Variants in CAPN14 observed in about 807,000 individuals in gnomAD.
The protein encoded by CAPN14 is calpain-14.
Under a neutral mutation model 101.3 loss-of-function variants are expected in CAPN14, and 94 were observed. That is an observed-to-expected ratio of 0.93 (90% CI 0.79 to 1.10). The LOEUF (loss-of-function observed/expected upper bound fraction) is 1.10. CAPN14 is among the 50% of genes least tolerant of loss of function. The probability of loss-of-function intolerance (pLI) is 0.00; values close to 1 mark genes in which losing one functional copy is unlikely to be tolerated. For missense variants in CAPN14, 837 were observed against 828.4 expected (o/e 1.01, Z -0.13); for synonymous variants, 338 against 317.9 (o/e 1.06, Z -0.67).
intron 10 of CAPN14, 108 bp downstream of exon 10, chr2:31,193,023 T>TC: frequency 8.9e-7 from 1 of 1,125,582 alleles, no homozygotes; most frequent in Non-Finnish European, 1.3e-6. Flanking sequence ...CAGAGCCTCC[T>TC]CCCCACTCAG....
intron 1 of CAPN14, among the ~76,000 whole-genome samples, chr2:31,227,774 T>C (rs754733): frequency 0.44 from 66,338 of 152,122 alleles, 15,220 homozygotes; most frequent in Middle Eastern, 0.57. Context: ...ACAGAATGAG[T>C]ACAGCACTGC....
intron 19 of CAPN14, 39 bp downstream of exon 19, chr2:31,177,707 C>A (rs746811692): frequency 1.4e-6 from 2 of 1,438,684 alleles, no homozygotes; most frequent in South Asian, 1.2e-5. Flanking sequence ...GTGCACCCTG[C>A]CCGTGTGTGC....
chr2:31,191,342 T>A, intron 12 of CAPN14, 57 bp downstream of exon 12: 1 of 1,509,988 alleles, frequency 6.6e-7, no homozygotes, highest in East Asian at 2.5e-5. Flanking sequence ...CTGTGGAGGC[T>A]TGGCCACATG....
At chr2:31,208,320 T>C (rs1156253039) in intron 1 of CAPN14, among the ~76,000 whole-genome samples, 2 of 152,136 alleles carry the variant, frequency 1.3e-5, no homozygotes, top group African/African-American at 4.8e-5. Context: ...AAGGTCTCCC[T>C]TTTTGCCCCT....
At chr2:31,179,943 A>C (rs1243934546) in intron 17 of CAPN14, among the ~76,000 whole-genome samples, 2 of 152,186 alleles carry the variant, frequency 1.3e-5, no homozygotes, top group African/African-American at 4.8e-5. Context: ...AAAAATAGTA[A>C]CCTTTTTTCA....
chr2:31,198,815 C>T (rs1210641510), intron 7 of CAPN14, among the ~76,000 whole-genome samples: 2 of 152,118 alleles, frequency 1.3e-5, no homozygotes, highest in East Asian at 3.9e-4. Context: ...ACCAGAATGC[C>T]CTTCTCGCCC....
intron 2 of CAPN14, among the ~76,000 whole-genome samples, chr2:31,222,836 C>A (rs1682899691): frequency 6.6e-6 from 1 of 152,134 alleles, no homozygotes; most frequent in South Asian, 2.1e-4. Context: ...AATCCTGACC[C>A]CCAGTGTGAT....
intron 20 of CAPN14, 43 bp from the exon 21 acceptor site, chr2:31,176,685 T>C (rs1572383846): frequency 2.0e-6 from 3 of 1,498,460 alleles, no homozygotes; most frequent in East Asian, 4.9e-5. Flanking sequence ...ATGTGTCTAT[T>C]GGAAACATTA....
intron 6 of CAPN14, among the ~76,000 whole-genome samples, chr2:31,199,833 A>C (rs553939996): frequency 6.6e-6 from 1 of 152,132 alleles, no homozygotes; most frequent in Non-Finnish European, 1.5e-5. Context: ...GCAGGGCTGA[A>C]CTGAGGGCTT....
intron 17 of CAPN14, 32 bp from the exon 18 acceptor site, chr2:31,178,611 G>A (rs948243196): frequency 4.9e-6 from 7 of 1,423,506 alleles, no homozygotes; most frequent in Non-Finnish European, 6.6e-6. Context: ...AAGCTTCCAG[G>A]GAGAGTTCTA....
chr2:31,191,358 T>C (rs1558619191), intron 12 of CAPN14, 41 bp downstream of exon 12: 1 of 1,537,876 alleles, frequency 6.5e-7, no homozygotes, highest in Non-Finnish European at 8.8e-7. Flanking sequence ...ACATGTGATG[T>C]CACCCCAAAC....
intron 1 of CAPN14, among the ~76,000 whole-genome samples, chr2:31,205,971 T>C (rs1401300396): frequency 6.6e-6 from 1 of 151,868 alleles, no homozygotes; most frequent in African/African-American, 2.4e-5. Context: ...TCCTCCTGCT[T>C]CAATGTCCTC....
intron 1 of CAPN14, among the ~76,000 whole-genome samples, chr2:31,217,078 T>C (rs762680527): frequency 6.6e-5 from 10 of 152,156 alleles, no homozygotes; most frequent in Non-Finnish European, 1.3e-4. Context: ...AGGAGACAAC[T>C]GGGATGGCCT....
In CAPN14 at chr2:31,174,354, G is replaced by T. The variant is rs1025013939; in HGVS notation, c.*327C>A. ...AGTTTGCAGCCACAGAGGCAGTGTT[G>T]TATGGAGGCTAACCACACCAGCTCT... is the stretch of plus-strand genomic sequence containing the variant. On this transcript the variant is annotated 3_prime_UTR_variant, in exon 22 of 22. Coordinates refer to ENST00000403897, the MANE Select transcript of CAPN14 (RefSeq NM_001145122.2). 2.1e-6 allele frequency: 1 copy of T among 474,588 alleles called. No homozygotes were observed. The highest frequency in any genetic ancestry group is 3.8e-6 in the Non-Finnish European group (1 of 263,332). 29.4% of individuals were successfully genotyped at this position (474,588 alleles called of 1,614,324 possible). A position where few individuals can be genotyped will look rare whatever the true frequency, so the allele number is the denominator to read the frequency against.
intron 8 of CAPN14, 42 bp from the exon 9 acceptor site, chr2:31,194,525 C>T (rs1224998637): frequency 1.4e-6 from 2 of 1,379,668 alleles, no homozygotes; most frequent in Non-Finnish European, 2.0e-6. Flanking sequence ...GGGGAGCATG[C>T]TAGAAATTCT....
chr2:31,201,070 CT>C (rs1248845995), intron 5 of CAPN14, among the ~76,000 whole-genome samples: 2 of 152,128 alleles, frequency 1.3e-5, no homozygotes, highest in African/African-American at 4.8e-5. Flanking sequence ...CCTGGGCCCC[CT>C]GACCTCCACA....
At chr2:31,200,792 T>A (rs935719122) in intron 5 of CAPN14, among the ~76,000 whole-genome samples, 167 bp from the exon 6 acceptor site, 1 of 152,140 alleles carries the variant, frequency 6.6e-6, no homozygotes, top group African/African-American at 2.4e-5. Context: ...CCTGAATGGC[T>A]CCAGCTGGTG....
Position 31,174,798 on chromosome 2 carries a change from C to G in CAPN14, c.2029-91G>C, listed in dbSNP as rs541804133. ...CCACACTCCTGGGGAGCCATGGAGA[C>G]AGAACATTAATGGATGGTTTAGCCA... On this transcript the variant is annotated intron_variant, in intron 21 of 21. Coordinates refer to ENST00000403897, the MANE Select transcript of CAPN14 (RefSeq NM_001145122.2). The G allele has an allele frequency of 2.1e-3, 2,636 of 1,249,388 alleles. 66 individuals carry two copies. In the South Asian group the frequency reaches 0.032, roughly 15 times the overall value. The allele number at this position is 1,249,388 out of a possible 1,614,324, so 77.4% of individuals were successfully genotyped here.
At chr2:31,204,243 A>G (rs1681954148) in intron 2 of CAPN14, among the ~76,000 whole-genome samples, 1 of 152,214 alleles carries the variant, frequency 6.6e-6, no homozygotes. Context: ...GAAAGTGAGA[A>G]TGTGGGAACA....
Sources: gnomAD v4.1 joint callset for allele counts (sites outside exome capture counted in the v4.1 genomes callset) on GRCh38, gnomAD v4.1.1 for gene constraint, MANE v1.5 for transcripts, NCBI Gene and HGNC (gene_info 2026-07-23, HGNC 2026-07-21) for gene names.